The following SIL1 variants were observed in gnomAD, a reference collection of about 807,000 sequenced individuals.
The protein encoded by SIL1 is SIL1 nucleotide exchange factor.
In SIL1, 40 loss-of-function variants were observed where a neutral mutation model predicts 49.1. The observed-to-expected ratio is 0.81, with a 90% CI of 0.63 to 1.06. The LOEUF is 1.06. SIL1 is among the 50% of genes least tolerant of loss of function. The pLI is 0.00. For synonymous variants in SIL1, 253 were observed against 250.8 expected, an observed-to-expected ratio of 1.01 and a Z score of -0.08; for missense variants, 500 against 572.6, an observed-to-expected ratio of 0.87 and a Z score of 1.29.
chr5:139,096,496 C>G (rs1040373636), intron 3 of SIL1, among the ~76,000 whole-genome samples: 21 of 151,810 alleles, frequency 1.4e-4, no homozygotes, highest in African/African-American at 5.1e-4. Flanking sequence ...ATCCTGGCAT[C>G]ATCCCTCCTC....
chr5:138,974,039 T>C (rs1335160116), intron 7 of SIL1, among the ~76,000 whole-genome samples: 1 of 152,106 alleles, frequency 6.6e-6, no homozygotes, highest in Non-Finnish European at 1.5e-5. Context: ...GCTCCTCAGG[T>C]CTCTCCGTGC....
intron 7 of SIL1, among the ~76,000 whole-genome samples, chr5:139,016,112 A>G (rs1768392748): frequency 6.6e-6 from 1 of 152,200 alleles, no homozygotes; most frequent in South Asian, 2.1e-4. Flanking sequence ...AAAAAACCTT[A>G]AAAACCAGAA....
At chr5:139,048,468 C>T (rs1769218544) in intron 4 of SIL1, among the ~76,000 whole-genome samples, 1 of 151,124 alleles carries the variant, frequency 6.6e-6, no homozygotes, top group Non-Finnish European at 1.5e-5. Flanking sequence ...CTCTGCCTCC[C>T]AGGCTCAAGT....
intron 1 of SIL1, among the ~76,000 whole-genome samples, chr5:139,163,504 G>C (rs1237114815): frequency 6.6e-6 from 1 of 151,844 alleles, no homozygotes; most frequent in Non-Finnish European, 1.5e-5. Flanking sequence ...TGAGTAGCTG[G>C]GATTACAGGT....
At chr5:139,077,362 G>A (rs1769975345) in intron 3 of SIL1, among the ~76,000 whole-genome samples, 1 of 152,072 alleles carries the variant, frequency 6.6e-6, no homozygotes, top group Non-Finnish European at 1.5e-5. Flanking sequence ...ATAAAACCGT[G>A]ATATATATCT....
chr5:139,164,582 T>G (rs1212228087), intron 1 of SIL1, among the ~76,000 whole-genome samples: 3 of 152,214 alleles, frequency 2.0e-5, no homozygotes, highest in South Asian at 2.1e-4. Flanking sequence ...CATTACAATC[T>G]TCACCATTCA....
intron 1 of SIL1, among the ~76,000 whole-genome samples, chr5:139,137,049 T>G (rs1309899279): frequency 6.6e-6 from 1 of 152,252 alleles, no homozygotes; most frequent in Non-Finnish European, 1.5e-5. Context: ...GAGGCTTTAG[T>G]CCTTCCACTT....
intron 7 of SIL1, among the ~76,000 whole-genome samples, chr5:138,974,440 C>T (rs1178214367): frequency 2.6e-5 from 4 of 152,330 alleles, no homozygotes; most frequent in African/African-American, 4.8e-5. Flanking sequence ...GATGACCTCA[C>T]GGCCTTTACA....
chr5:139,075,979 C>T (rs1219539808), intron 3 of SIL1, among the ~76,000 whole-genome samples: 2 of 152,182 alleles, frequency 1.3e-5, no homozygotes, highest in African/African-American at 4.8e-5. Context: ...CATCCATGCT[C>T]TTGGTATCTT....
chr5:139,179,617 C>A (rs945408248), intron 1 of SIL1, among the ~76,000 whole-genome samples: 1 of 152,128 alleles, frequency 6.6e-6, no homozygotes, highest in Admixed American at 6.6e-5. Context: ...TTGAGCACCA[C>A]TTAGTGCCAG....
At position 139,006,722 on chromosome 5, in the gene SIL1, T is replaced by G. The variant is rs1348272863; in HGVS notation, c.767+14449A>C. On this transcript the variant is annotated intron_variant, in intron 7 of 9. Coordinates refer to ENST00000394817, the MANE Select transcript of SIL1 (RefSeq NM_022464.5). ...CACCATTTATTAAATAGGGAATCCT[T>G]TCCCCATTGCTTGTTTTTCTCAGGT... Among the ~76,000 whole-genome samples the G allele has an allele frequency of 9.8e-3, 1,472 of 149,950 alleles. 14 individuals carry two copies. The highest frequency in any genetic ancestry group is 0.014 in the Non-Finnish European group (951 of 66,744).
chr5:139,063,849 T>C (rs978493460), intron 3 of SIL1, among the ~76,000 whole-genome samples: 1 of 152,190 alleles, frequency 6.6e-6, no homozygotes, highest in African/African-American at 2.4e-5. Flanking sequence ...ATTTATTGGT[T>C]AATTGACACT....
At chr5:139,079,224 T>C (rs985593593) in intron 3 of SIL1, among the ~76,000 whole-genome samples, 2 of 152,108 alleles carry the variant, frequency 1.3e-5, no homozygotes, top group African/African-American at 4.8e-5. Context: ...TCCTGGCGCC[T>C]TGCAGCAAAG....
chr5:138,997,272 C>T (rs1397065400), intron 7 of SIL1, among the ~76,000 whole-genome samples: 1 of 152,152 alleles, frequency 6.6e-6, no homozygotes, highest in Non-Finnish European at 1.5e-5. Context: ...AGGTCTTAGA[C>T]TTAAGTCTGT....
chr5:139,162,255 C>T (rs771489735), intron 1 of SIL1, among the ~76,000 whole-genome samples: 26 of 152,324 alleles, frequency 1.7e-4, no homozygotes, highest in Non-Finnish European at 1.9e-4. Flanking sequence ...TTCTATCTGG[C>T]CATTGTCAAT....
intron 7 of SIL1, among the ~76,000 whole-genome samples, chr5:138,984,821 C>T (rs1416929565): frequency 1.3e-5 from 2 of 152,194 alleles, no homozygotes; most frequent in Admixed American, 1.3e-4. Flanking sequence ...GCAAAGGGTC[C>T]AGCTGAGTCT....
At chr5:139,005,460 T>G (rs1768094328) in intron 7 of SIL1, among the ~76,000 whole-genome samples, 1 of 150,922 alleles carries the variant, frequency 6.6e-6, no homozygotes, top group African/African-American at 2.4e-5. Flanking sequence ...CTTCCTTTTT[T>G]TTTTATTATA....
chr5:138,999,644 T>C (rs1181872984), intron 7 of SIL1, among the ~76,000 whole-genome samples: 2 of 152,244 alleles, frequency 1.3e-5, no homozygotes, highest in African/African-American at 4.8e-5. Flanking sequence ...ACAGAGACCC[T>C]GTCTCTAAAA....
chr5:138,971,715 A>AG (rs899522091), intron 7 of SIL1, among the ~76,000 whole-genome samples: 1 of 152,144 alleles, frequency 6.6e-6, no homozygotes, highest in Non-Finnish European at 1.5e-5. Context: ...CTGGAGAGGG[A>AG]GGGAAACTCA....
Sources: gnomAD v4.1 joint callset for allele counts (sites outside exome capture counted in the v4.1 genomes callset) on GRCh38, gnomAD v4.1.1 for gene constraint, MANE v1.5 for transcripts, NCBI Gene and HGNC (gene_info 2026-07-23, HGNC 2026-07-21) for gene names.